The following MIER2 variants were observed in gnomAD, a reference collection of about 807,000 sequenced individuals.
The protein encoded by MIER2 is mesoderm induction early response protein 2.
MIER2 carries 30 observed loss-of-function variants against 67.6 expected under a neutral mutation model. The observed-to-expected ratio is 0.44, with a 90% CI of 0.33 to 0.60. The LOEUF (loss-of-function observed/expected upper bound fraction) is 0.60. Ranked by LOEUF, MIER2 falls within the 20% of genes least tolerant of loss-of-function variation. The probability of loss-of-function intolerance (pLI) is 0.02; values close to 1 mark genes in which losing one functional copy is unlikely to be tolerated. For missense variants in MIER2, 702 were observed against 745.1 expected (o/e 0.94, Z 0.67); for synonymous variants, 372 against 312.6 (o/e 1.19, Z -2.00).
At chr19:342,457 G>A (rs1229485802) in intron 1 of MIER2, among the ~76,000 whole-genome samples, 2 of 151,962 alleles carry the variant, frequency 1.3e-5, no homozygotes, top group East Asian at 3.9e-4. Context: ...GGAGCCCAGG[G>A]CCCTAGAGTA....
At chr19:323,812 G>C (rs1971604978) in intron 7 of MIER2, among the ~76,000 whole-genome samples, 1 of 148,642 alleles carries the variant, frequency 6.7e-6, no homozygotes, top group Admixed American at 6.7e-5. Flanking sequence ...TCATCACAAT[G>C]CAATACACAA....
chr19:313,754 G>T, intron 7 of MIER2, 111 bp from the exon 8 acceptor site: 2 of 1,432,338 alleles, frequency 1.4e-6, no homozygotes, highest in Non-Finnish European at 1.9e-6. Context: ...GGCACTGTCC[G>T]TCCTCCCTTT....
chr19:342,987 C>A (rs948064636), intron 1 of MIER2, among the ~76,000 whole-genome samples: 2 of 152,102 alleles, frequency 1.3e-5, no homozygotes, highest in African/African-American at 4.8e-5. Context: ...TGGTCCTAAC[C>A]CACCCACGTC....
intron 10 of MIER2, among the ~76,000 whole-genome samples, chr19:310,604 GGAGCTATAGAAACACAGC>G: frequency 2.7e-5 from 4 of 148,084 alleles, no homozygotes; most frequent in Admixed American, 6.7e-5. Context: ...AACACAGCCG[GGAGCTATAGAAACACAGC>G]CCGGAGCTAT....
At chr19:311,990 A>G in intron 9 of MIER2, 51 bp from the exon 10 acceptor site, 2 of 1,398,468 alleles carry the variant, frequency 1.4e-6, no homozygotes, top group Non-Finnish European at 1.9e-6. Flanking sequence ...GCGGGGCCGC[A>G]GCGGAAGGAA....
In MIER2 at chr19:327,229, C is replaced by G; in HGVS notation, c.397G>C (p.Gly133Arg). Residue 133 changes from glycine to arginine, a missense_variant, in exon 5 of 14, where the codon GGG (glycine) becomes CGG (arginine). Physicochemically the swap from Gly to Arg is moderately radical, Grantham distance 125 (BLOSUM62 -2). This residue lies in a region of MIER2 where 320 missense variants were observed against 292.6 expected (regional missense o/e 1.09). Coordinates refer to ENST00000264819, the MANE Select transcript of MIER2 (RefSeq NM_017550.3). Reference protein sequence around the residue: ...KEQIAKDLLSGEEEEETQSSA... With the variant: ...KEQIAKDLLSREEEEETQSSA... ...GATTGCGTCTCTTCCTCTTCTTCCCCTGAAAGCAAATCCTTCGCTATTTGT... is the reference window on the plus strand; with the variant it reads ...GATTGCGTCTCTTCCTCTTCTTCCCGTGAAAGCAAATCCTTCGCTATTTGT... 6.3e-7 allele frequency: 1 copy of G among 1,584,178 alleles called. No homozygotes were observed. Among genetic ancestry groups the G allele is most frequent in the South Asian group, 1.2e-5 (1 of 85,522 alleles).
At chr19:344,725 C>G in intron 1 of MIER2, 49 bp downstream of exon 1, 1 of 1,110,638 alleles carries the variant, frequency 9.0e-7, no homozygotes, top group Non-Finnish European at 1.1e-6. Context: ...CGGCGGGGGG[C>G]GCGGACGCGC....
rs989049398 is a variant in MIER2 at position 327,724 on chromosome 19, G to A, written c.369+140C>T. 5.7e-5 allele frequency: 78 copies of A among 1,362,048 alleles called. 1 individual carries two copies. Among genetic ancestry groups the A allele is most frequent in the Non-Finnish European group, 7.0e-5 (72 of 1,021,612 alleles). The allele number at this position is 1,362,048 out of a possible 1,614,324, so 84.4% of individuals were successfully genotyped here. A position where few individuals can be genotyped will look rare whatever the true frequency, so the allele number is the denominator to read the frequency against. On this transcript the variant is annotated intron_variant, in intron 4 of 13. Coordinates refer to ENST00000264819, the MANE Select transcript of MIER2 (RefSeq NM_017550.3). ...CATGCCCATGGCCATTCCAACCCCA[G>A]GGTAGTGGTCACAGGTACATTCTAC...
chr19:336,233 C>A (rs1369081048), intron 1 of MIER2, 60 bp from the exon 2 acceptor site: 1 of 1,397,980 alleles, frequency 7.2e-7, no homozygotes, highest in Non-Finnish European at 1.0e-6. Context: ...CTGGACATCA[C>A]AGTGTGGCAG....
rs779071069 is a variant in MIER2, at chr19:335,542, C to T, written c.100+541G>A. 3.0e-4 allele frequency among the ~76,000 whole-genome samples: 46 copies of T among 152,142 alleles called. 1 individual carries two copies. Among genetic ancestry groups the T allele is most frequent in the Non-Finnish European group, 6.5e-4 (44 of 67,998 alleles). ...AGTTTGATACGGAAAGAGACGCAGCCCTACACCTGGCAGAAGGAGCCCAGC... is the reference window on the plus strand; with the variant it reads ...AGTTTGATACGGAAAGAGACGCAGCTCTACACCTGGCAGAAGGAGCCCAGC... On this transcript the variant is annotated intron_variant, in intron 2 of 13. Transcript: ENST00000264819.
intron 3 of MIER2, among the ~76,000 whole-genome samples, chr19:331,051 A>T (rs946491014): frequency 1.3e-5 from 2 of 152,146 alleles, no homozygotes; most frequent in Non-Finnish European, 2.9e-5. Flanking sequence ...ATCACAACAG[A>T]TCAATGTCTC....
chr19:320,712 GT>G (rs965218507), intron 7 of MIER2, among the ~76,000 whole-genome samples: 6 of 152,174 alleles, frequency 3.9e-5, no homozygotes, highest in African/African-American at 1.4e-4. Context: ...AGGTGGAACG[GT>G]TTCCTCCTGA....
At chr19:339,172 A>C (rs1003802015) in intron 1 of MIER2, among the ~76,000 whole-genome samples, 1 of 152,164 alleles carries the variant, frequency 6.6e-6, no homozygotes, top group Admixed American at 6.5e-5. Flanking sequence ...GTGAAAGGAC[A>C]ACTGAGAGAA....
intron 1 of MIER2, chr19:340,722 G>C (rs1203331150): frequency 6.6e-6 from 1 of 152,412 alleles, no homozygotes; most frequent in Non-Finnish European, 1.5e-5. Flanking sequence ...CCACGGAAGG[G>C]AGCTGGGGCA....
chr19:311,643 C>T lies in MIER2; in HGVS notation c.984+202G>A, dbSNP rs577304197. Among the ~76,000 whole-genome samples, 23 of 152,276 alleles carry T rather than the reference C, an allele frequency of 1.5e-4. 1 individual carries two copies. The South Asian group carries it at 2.5e-3, about 16-fold the overall frequency. On this transcript the variant is annotated intron_variant, in intron 10 of 13. Coordinates refer to ENST00000264819, the MANE Select transcript of MIER2 (RefSeq NM_017550.3). The stretch of plus-strand genomic sequence containing the variant: ...CCACATTCTTTCCCAAAGCCAGAGC[C>T]TTGTTCTTGTGGGGACAGGAAAGGG...
At chr19:319,481 C>T (rs528769246) in intron 7 of MIER2, among the ~76,000 whole-genome samples, 24 of 152,290 alleles carry the variant, frequency 1.6e-4, no homozygotes, top group South Asian at 8.3e-4. Flanking sequence ...GTTTTTGAGA[C>T]GGAGTCTCGC....
At chr19:326,104 T>C (rs902625484) in intron 6 of MIER2, among the ~76,000 whole-genome samples, 1 of 152,178 alleles carries the variant, frequency 6.6e-6, no homozygotes, top group Non-Finnish European at 1.5e-5. Context: ...CTGCGGTTAC[T>C]GAGGCCGAGA....
chr19:306,707 T>A lies in MIER2; in HGVS notation c.1621A>T (p.Asn541Tyr). The A allele has an allele frequency of 6.4e-7, 1 of 1,560,848 alleles. No individual in the cohort carries two copies. Among genetic ancestry groups the A allele is most frequent in the Non-Finnish European group, 8.7e-7 (1 of 1,152,520 alleles). The change falls in exon 14 of 14, where the codon AAC (asparagine) becomes TAC (tyrosine). Residue 541 changes from asparagine (N) to tyrosine (Y), a missense_variant. Asn to Tyr is a moderately radical substitution (Grantham distance 143). Transcript: ENST00000264819. ...GLHSEPLSHCNVMTC is the reference protein window; with the variant it reads ...GLHSEPLSHCYVMTC ...GCCAGGAGTCAGCAGGTCATCACGT[T>A]ACAGCTGCAGGGGAGAGACCAAGAG...
intron 1 of MIER2, among the ~76,000 whole-genome samples, chr19:338,075 G>A (rs1470941345): frequency 6.8e-6 from 1 of 147,348 alleles, no homozygotes; most frequent in Non-Finnish European, 1.5e-5. Context: ...GGGAGGCTGA[G>A]GCAGGAGGAT....
Sources: gnomAD v4.1 joint callset for allele counts (sites outside exome capture counted in the v4.1 genomes callset) on GRCh38, gnomAD v4.1.1 for gene constraint, gnomAD v4.1.1 regional missense constraint, MANE v1.5 for transcripts, NCBI Gene and HGNC (gene_info 2026-07-23, HGNC 2026-07-21) for gene names.